Variants in PTPRO observed in about 807,000 individuals in gnomAD.
PTPRO encodes protein tyrosine phosphatase receptor type O.
Under a neutral mutation model 145.2 loss-of-function variants are expected in PTPRO, and 62 were observed. The observed-to-expected ratio is 0.43, with a 90% CI of 0.35 to 0.53. The LOEUF (loss-of-function observed/expected upper bound fraction) is 0.53. PTPRO is among the 20% of genes least tolerant of loss of function. The pLI is 0.01. For missense variants in PTPRO, 1,345 were observed against 1,482.7 expected (o/e 0.91, Z 1.53); for synonymous variants, 565 against 514.7 (o/e 1.10, Z -1.32).
chr12:15,328,353 G>A (rs951767320), intron 1 of PTPRO, among the ~76,000 whole-genome samples: 5 of 152,062 alleles, frequency 3.3e-5, no homozygotes, highest in Admixed American at 2.0e-4. Context: ...TCTAATTCCC[G>A]AATGAAAGAT....
chr12:15,479,813 C>T (rs1941739630), intron 1 of PTPRO, among the ~76,000 whole-genome samples: 1 of 152,178 alleles, frequency 6.6e-6, no homozygotes, highest in Non-Finnish European at 1.5e-5. Context: ...CACCCTGATG[C>T]AGAAGCCTAG....
At chr12:15,357,351 T>G (rs1304117826) in intron 1 of PTPRO, among the ~76,000 whole-genome samples, 1 of 152,226 alleles carries the variant, frequency 6.6e-6, no homozygotes, top group Non-Finnish European at 1.5e-5. Context: ...ACGTCATGTG[T>G]TCAATAACTT....
intron 1 of PTPRO, among the ~76,000 whole-genome samples, chr12:15,342,574 A>G (rs538956883): frequency 3.9e-4 from 59 of 152,320 alleles, no homozygotes; most frequent in African/African-American, 1.3e-3. Context: ...CTCAACCAGT[A>G]CACACCCAAT....
At chr12:15,484,348 C>A in intron 2 of PTPRO, 101 bp downstream of exon 2, 1 of 1,361,878 alleles carries the variant, frequency 7.3e-7, no homozygotes, top group Non-Finnish European at 1.0e-6. Context: ...GGCAAAATCA[C>A]TTGCCTTAAT....
intron 15 of PTPRO, among the ~76,000 whole-genome samples, chr12:15,556,438 T>C (rs1157103168): frequency 6.6e-6 from 1 of 152,112 alleles, no homozygotes; most frequent in Non-Finnish European, 1.5e-5. Flanking sequence ...CAATGAGCTG[T>C]TATTCATGCA....
At chr12:15,566,670 G>A (rs1048971278) in intron 18 of PTPRO, among the ~76,000 whole-genome samples, 11 of 151,980 alleles carry the variant, frequency 7.2e-5, no homozygotes, top group Admixed American at 2.0e-4. Flanking sequence ...ACAGGCACAC[G>A]CCACCATGCC....
chr12:15,589,275 G>A (rs1377429818), intron 24 of PTPRO, among the ~76,000 whole-genome samples, 180 bp from the exon 25 acceptor site: 1 of 151,906 alleles, frequency 6.6e-6, no homozygotes, highest in East Asian at 1.9e-4. Context: ...ACTCAGGAGG[G>A]TGAGGCAGGA....
At chr12:15,503,672 C>G (rs1254604539) in intron 5 of PTPRO, among the ~76,000 whole-genome samples, 2 of 151,858 alleles carry the variant, frequency 1.3e-5, no homozygotes, top group Admixed American at 1.3e-4. Flanking sequence ...TAGACCCATC[C>G]CTAGTTTTAT....
Position 15,516,059 on chromosome 12 carries a change from C to T in PTPRO, c.1585+441C>T, listed in dbSNP as rs187345478. 1.7e-3 allele frequency among the ~76,000 whole-genome samples: 231 copies of T among 136,008 alleles called. 1 individual carries two copies. Among genetic ancestry groups the T allele is most frequent in the African/African-American group, 4.5e-3 (167 of 37,010 alleles). The allele number at this position is 136,008 out of a possible 152,430, so 89.2% of individuals were successfully genotyped here. ...AGGTTGGAATGCAGTGGTGCAATCTCAGTTCCCTGCAACTTCTGCCTCCCA... is the reference window on the plus strand; with the variant it reads ...AGGTTGGAATGCAGTGGTGCAATCTTAGTTCCCTGCAACTTCTGCCTCCCA... On this transcript the variant is annotated intron_variant, in intron 8 of 26. Coordinates refer to ENST00000281171, the MANE Select transcript of PTPRO (RefSeq NM_030667.3).
intron 24 of PTPRO, among the ~76,000 whole-genome samples, chr12:15,587,483 A>G (rs891325259): frequency 3.3e-5 from 5 of 152,246 alleles, no homozygotes; most frequent in African/African-American, 1.2e-4. Flanking sequence ...ACAGCTTGAC[A>G]TAATATAAAT....
chr12:15,330,289 G>T (rs1209615735), intron 1 of PTPRO, among the ~76,000 whole-genome samples: 1 of 152,188 alleles, frequency 6.6e-6, no homozygotes, highest in African/African-American at 2.4e-5. Flanking sequence ...TGGCAATGTT[G>T]AAAAATAGCT....
At chr12:15,513,677 C>T (rs1236857764) in intron 7 of PTPRO, among the ~76,000 whole-genome samples, 1 of 152,292 alleles carries the variant, frequency 6.6e-6, no homozygotes, top group Admixed American at 6.5e-5. Flanking sequence ...CATAGATAAG[C>T]TGTAAACAAC....
rs548229285 is a variant in PTPRO, at chr12:15,467,036, G to T, written c.76-16938G>T. On this transcript the variant is annotated intron_variant, in intron 1 of 26. Coordinates refer to ENST00000281171, the MANE Select transcript of PTPRO (RefSeq NM_030667.3). ...TACTTAATCTTTCAGAGGCTCGACT[G>T]CTAATCTGAAAAGTGCAAATAGTAA... Among the ~76,000 whole-genome samples, 8 of 152,258 alleles carry T rather than the reference G, an allele frequency of 5.3e-5. No individual in the cohort carries two copies. The South Asian group carries it at 1.7e-3, about 32-fold the overall frequency.
At position 15,374,169 on chromosome 12, in the gene PTPRO, T is replaced by C. The variant is rs143140253; in HGVS notation, c.75+51368T>C. On this transcript the variant is annotated intron_variant, in intron 1 of 26. Transcript: ENST00000281171. ...AATTTCAAGGCAAGAGTAATATCCA[T>C]AGGAAGCACTTAACTTCTCTAAAAC... is the stretch of plus-strand genomic sequence containing the variant. 3.5e-3 allele frequency among the ~76,000 whole-genome samples: 540 copies of C among 152,260 alleles called. 3 individuals carry two copies. Among genetic ancestry groups the C allele is most frequent in the African/African-American group, 0.012 (508 of 41,562 alleles).
intron 1 of PTPRO, chr12:15,348,628 T>G (rs1263462667): frequency 1.3e-5 from 2 of 151,676 alleles, no homozygotes; most frequent in Non-Finnish European, 2.9e-5. Context: ...CTACTAAAAA[T>G]ACAAAAAAAT....
intron 1 of PTPRO, among the ~76,000 whole-genome samples, chr12:15,387,097 C>G (rs1458259236): frequency 1.3e-5 from 2 of 152,144 alleles, no homozygotes; most frequent in Non-Finnish European, 2.9e-5. Context: ...ATTAAAATAA[C>G]ATGAGCAACC....
At chr12:15,380,263 G>T (rs1465420202) in intron 1 of PTPRO, among the ~76,000 whole-genome samples, 2 of 151,972 alleles carry the variant, frequency 1.3e-5, no homozygotes, top group East Asian at 1.9e-4. Context: ...TCCATCAGGG[G>T]CCATACACTC....
intron 1 of PTPRO, among the ~76,000 whole-genome samples, chr12:15,328,147 C>T (rs1866500248): frequency 6.6e-6 from 1 of 151,892 alleles, no homozygotes; most frequent in African/African-American, 2.4e-5. Context: ...GAATAACCTC[C>T]TTAATTAAAT....
chr12:15,483,510 G>C (rs1277611389), intron 1 of PTPRO, among the ~76,000 whole-genome samples: 2 of 152,044 alleles, frequency 1.3e-5, no homozygotes, highest in African/African-American at 4.8e-5. Context: ...GCAGATGAGA[G>C]GAAATAGACG....
Sources: allele counts gnomAD v4.1 joint callset (sites outside exome capture counted in the v4.1 genomes callset), GRCh38; gene constraint gnomAD v4.1.1; transcripts MANE v1.5; gene names NCBI Gene and HGNC (gene_info 2026-07-23, HGNC 2026-07-21).